Variants in ERC2 observed in about 807,000 individuals in gnomAD.
The protein encoded by ERC2 is ERC protein 2.
Under a neutral mutation model 114.8 loss-of-function variants are expected in ERC2, and 42 were observed. The observed-to-expected ratio is 0.37, with a 90% confidence interval of 0.29 to 0.47. The LOEUF (loss-of-function observed/expected upper bound fraction) is 0.47, where lower values mean the gene tolerates loss of function less well. ERC2 is among the 20% of genes least tolerant of loss of function. The pLI is 0.99. For missense variants in ERC2, 939 were observed against 1,150.7 expected (o/e 0.82, Z 2.66); for synonymous variants, 454 against 425.5 (o/e 1.07, Z -0.82).
chr3:56,203,688 C>A (rs1393182825), intron 3 of ERC2, among the ~76,000 whole-genome samples: 1 of 151,998 alleles, frequency 6.6e-6, no homozygotes, highest in Non-Finnish European at 1.5e-5. Flanking sequence ...ATATTAAAAA[C>A]AAAATATACA....
chr3:55,880,036 T>C (rs550842841), intron 14 of ERC2, among the ~76,000 whole-genome samples: 2 of 152,308 alleles, frequency 1.3e-5, no homozygotes, highest in African/African-American at 4.8e-5. Context: ...TCAGCAAATA[T>C]TGAATAAACT....
At chr3:55,985,777 T>C (rs6806267) in intron 12 of ERC2, among the ~76,000 whole-genome samples, 200 bp downstream of exon 12, 99,304 of 152,088 alleles carry the variant, frequency 0.65, 32,719 homozygotes, top group East Asian at 0.82. Context: ...ACTGACTTAT[T>C]TCCATCTTTT....
intron 2 of ERC2, among the ~76,000 whole-genome samples, chr3:56,297,237 A>G (rs1368500504): frequency 1.3e-5 from 2 of 151,814 alleles, no homozygotes; most frequent in Non-Finnish European, 2.9e-5. Context: ...AAAAAAAAAG[A>G]AAAAAAAATT....
intron 16 of ERC2, among the ~76,000 whole-genome samples, chr3:55,692,501 T>C (rs1152110): frequency 0.014 from 2,143 of 152,308 alleles, 16 homozygotes; most frequent in Middle Eastern, 0.02. Flanking sequence ...CTTTAAGGAA[T>C]GCTCTTATAG....
Position 56,434,387 on chromosome 3 carries a change from G to C in ERC2, c.621C>G (p.Leu207=). The C allele has an allele frequency of 6.2e-7, 1 of 1,613,808 alleles. No homozygotes were observed. Among genetic ancestry groups the C allele is most frequent in the Non-Finnish European group, 8.5e-7 (1 of 1,179,886 alleles). ...CATGGGAAACCCTCATCTGCTCCTT[G>C]AGGACAGACATCCGCGCTGCCTCTT... ...RKEEAARMSV[L]KEQMRVSHEE... The change falls in exon 2 of 18, where the codon CTC becomes CTG. Residue 207 remains leucine, a synonymous_variant. Coordinates refer to ENST00000288221, the MANE Select transcript of ERC2 (RefSeq NM_015576.3).
At chr3:55,620,770 A>G (rs984893251) in intron 17 of ERC2, among the ~76,000 whole-genome samples, 1 of 152,200 alleles carries the variant, frequency 6.6e-6, no homozygotes, top group Admixed American at 6.5e-5. Context: ...TGTGTTTGTC[A>G]TAAAGTTAAG....
intron 13 of ERC2, among the ~76,000 whole-genome samples, chr3:55,929,700 C>T (rs747976052): frequency 2.6e-5 from 4 of 152,186 alleles, no homozygotes; most frequent in Non-Finnish European, 5.9e-5. Context: ...TGGGAGGGGA[C>T]TGGATCATGG....
chr3:56,249,855 C>CTTTT lies in ERC2; in HGVS notation c.1074+46160_1074+46163dup, dbSNP rs34668162. ...CACTCACAAAATCTGCATCAAATTTCTTTTTTTTTTTTTTTTTTTTGAGAC... is the reference window on the plus strand; with the variant it reads ...CACTCACAAAATCTGCATCAAATTTCTTTTTTTTTTTTTTTTTTTTTTTTGAGAC... On this transcript the variant is annotated intron_variant, in intron 3 of 17. Transcript: ENST00000288221. Among the ~76,000 whole-genome samples, 61 of 112,784 alleles carry CTTTT rather than the reference C, an allele frequency of 5.4e-4. 1 individual carries two copies. Among genetic ancestry groups the CTTTT allele is most frequent in the Non-Finnish European group, 6.8e-4 (41 of 60,500 alleles). The allele number at this position is 112,784 out of a possible 152,430, so 74.0% of individuals were successfully genotyped here.
chr3:55,645,347 G>A (rs9821149), intron 17 of ERC2, among the ~76,000 whole-genome samples: 5,988 of 152,142 alleles, frequency 0.039, 375 homozygotes, highest in African/African-American at 0.13. Context: ...TTAAGAGTCT[G>A]CAAAAAAATA....
intron 14 of ERC2, among the ~76,000 whole-genome samples, chr3:55,809,871 C>A (rs1017729028): frequency 1.3e-5 from 2 of 152,112 alleles, no homozygotes; most frequent in East Asian, 3.9e-4. Flanking sequence ...TCAGATACAC[C>A]AAATATGTTA....
intron 3 of ERC2, among the ~76,000 whole-genome samples, chr3:56,210,740 G>T (rs1346905698): frequency 6.6e-6 from 1 of 152,106 alleles, no homozygotes; most frequent in Non-Finnish European, 1.5e-5. Context: ...AAAATTATTT[G>T]ACCAACTTTA....
chr3:56,295,388 A>G (rs971993891), intron 3 of ERC2, among the ~76,000 whole-genome samples: 2 of 152,174 alleles, frequency 1.3e-5, no homozygotes, highest in Admixed American at 6.5e-5. Context: ...CGAGCATCCC[A>G]ACATTGAATG....
chr3:56,129,853 T>C (rs1424786389), intron 6 of ERC2, among the ~76,000 whole-genome samples: 1 of 152,212 alleles, frequency 6.6e-6, no homozygotes, highest in African/African-American at 2.4e-5. Flanking sequence ...ACAGATTTAA[T>C]GTAGAAATTA....
intron 17 of ERC2, among the ~76,000 whole-genome samples, chr3:55,647,565 C>T (rs1340334308): frequency 2.0e-5 from 3 of 151,672 alleles, no homozygotes; most frequent in Non-Finnish European, 4.4e-5. Context: ...TGCTCTGAGC[C>T]AAGGAAAATT....
chr3:55,982,779 G>A (rs2070263647), intron 12 of ERC2, among the ~76,000 whole-genome samples: 1 of 152,204 alleles, frequency 6.6e-6, no homozygotes, highest in African/African-American at 2.4e-5. Context: ...GGACACTAAA[G>A]GGATGCTCTG....
chr3:56,241,015 C>T (rs1420486553), intron 3 of ERC2, among the ~76,000 whole-genome samples: 3 of 152,060 alleles, frequency 2.0e-5, no homozygotes, highest in Non-Finnish European at 4.4e-5. Context: ...CTACTGTTAC[C>T]CTCTGAATGT....
chr3:55,620,161 A>T (rs552149038), intron 17 of ERC2, among the ~76,000 whole-genome samples: 2 of 152,332 alleles, frequency 1.3e-5, no homozygotes, highest in South Asian at 4.1e-4. Context: ...GACCTGGTTG[A>T]TCAATGACAT....
Position 55,509,229 on chromosome 3 carries a change from G to T in ERC2, c.*2087C>A, listed in dbSNP as rs1177522175. The T allele has an allele frequency of 6.6e-6, 1 of 151,658 alleles. No individual in the cohort carries two copies. The highest frequency in any genetic ancestry group is 2.5e-5 in the African/African-American group (1 of 40,610). 9.4% of individuals were successfully genotyped at this position (151,658 alleles called of 1,614,324 possible). ...CATAGAAATAGCTAGCTATACATGGGTTGGTTTTTTTTTTCTGTTTCAAGG... is the reference window on the plus strand; with the variant it reads ...CATAGAAATAGCTAGCTATACATGGTTTGGTTTTTTTTTTCTGTTTCAAGG... On this transcript the variant is annotated 3_prime_UTR_variant, in exon 18 of 18. Coordinates refer to ENST00000288221, the MANE Select transcript of ERC2 (RefSeq NM_015576.3).
chr3:56,304,656 T>TAAAA lies in ERC2; in HGVS notation c.658-8222_658-8221insTTTT, dbSNP rs1162980624. On this transcript the variant is annotated intron_variant, in intron 2 of 17. Transcript: ENST00000288221. Reference sequence around the variant, plus strand: ...GGAATACAGGGATATATTAAAAAGGTAATACATCATGCCCAAGATGTGTTT... The same window carrying TAAAA: ...GGAATACAGGGATATATTAAAAAGGTAAAAAATACATCATGCCCAAGATGTGTTT... Among the ~76,000 whole-genome samples the TAAAA allele has an allele frequency of 7.2e-5, 11 of 152,310 alleles. No homozygotes were observed. The East Asian group carries it at 2.1e-3, about 29-fold the overall frequency.
Sources: gnomAD v4.1 joint callset for allele counts (sites outside exome capture counted in the v4.1 genomes callset) on GRCh38, gnomAD v4.1.1 for gene constraint, MANE v1.5 for transcripts, NCBI Gene and HGNC (gene_info 2026-07-23, HGNC 2026-07-21) for gene names.